The following MPP3 variants were observed in gnomAD, a reference collection of about 807,000 sequenced individuals.
The protein encoded by MPP3 is MAGUK p55 subfamily member 3.
Under a neutral mutation model 80.7 loss-of-function variants are expected in MPP3, and 48 were observed. The observed-to-expected ratio is 0.59, with a 90% CI of 0.47 to 0.76. The LOEUF (loss-of-function observed/expected upper bound fraction) is 0.76, where lower values mean the gene tolerates loss of function less well. Among genes scored for constraint, MPP3 ranks in the 30% least tolerant of loss-of-function variants. MPP3 has a pLI of 0.00. For missense variants in MPP3, 620 were observed against 763.0 expected (o/e 0.81, Z 2.21); for synonymous variants, 311 against 297.6 (o/e 1.04, Z -0.46).
intron 14 of MPP3, 111 bp from the exon 15 acceptor site, chr17:43,814,472 T>A: frequency 9.2e-7 from 1 of 1,089,278 alleles, no homozygotes; most frequent in Non-Finnish European, 1.3e-6. Flanking sequence ...TGAGTCCCAC[T>A]GACTTCTCCC....
chr17:43,814,350 T>A lies in MPP3; in HGVS notation c.1021A>T (p.Arg341Trp). 1 of 1,602,524 alleles carries A rather than the reference T, an allele frequency of 6.2e-7. No individual in the cohort carries two copies. The highest frequency in any genetic ancestry group is 1.1e-5 in the South Asian group (1 of 90,432). ...TCCCTACAGCCCAGCCGGAAGCTCC[T>A]CCGAAGACCAGCTTGGGAGGAGGGG... ...LKGHYVAGLRRSFRLGCRERL... is the reference protein window; with the variant it reads ...LKGHYVAGLRWSFRLGCRERL... The change falls in exon 15 of 20, where the codon AGG becomes TGG. Residue 341 changes from arginine to tryptophan, a missense_variant. Transcript: ENST00000398389.
At chr17:43,816,740 G>T in intron 12 of MPP3, 43 bp from the exon 13 acceptor site, 1 of 1,558,794 alleles carries the variant, frequency 6.4e-7, no homozygotes. Flanking sequence ...ATTAGTGGAG[G>T]GAAGCGGGGA....
Position 43,831,673 on chromosome 17 carries a change from C to T in MPP3, c.30G>A (p.Leu10=). MPVLSEDSG[L]HETLALLTSQ... ...AGGTCAGCAGGGCCAGGGTTTCATG[C>T]AAACCTGGGGAGAGGTGAGAAAAAC... is the stretch of plus-strand genomic sequence containing the variant. The change falls in exon 4 of 20, where the codon TTG becomes TTA. Residue 10 remains leucine (L), a synonymous_variant. Coordinates refer to ENST00000398389, the MANE Select transcript of MPP3 (RefSeq NM_001932.6). 2.5e-6 allele frequency: 4 copies of T among 1,608,814 alleles called. No homozygotes were observed. The highest frequency in any genetic ancestry group is 3.4e-6 in the Non-Finnish European group (4 of 1,176,410).
chr17:43,817,969 A>T, intron 12 of MPP3, 77 bp downstream of exon 12: 1 of 1,345,788 alleles, frequency 7.4e-7, no homozygotes, highest in Non-Finnish European at 1.0e-6. Context: ...CCCACTGCCT[A>T]CTTCTTCCCA....
At chr17:43,804,366 A>T (rs1323378723) in intron 19 of MPP3, among the ~76,000 whole-genome samples, 2 of 152,224 alleles carry the variant, frequency 1.3e-5, no homozygotes, top group Non-Finnish European at 2.9e-5. Context: ...ATGGAATGGG[A>T]CTGAGACTCC....
rs374591015 is a variant in MPP3, at chr17:43,809,090, A to G, written c.1459-12T>C. ...AGTTGTTTCAGTGCCTGAGAAAGAA[A>G]GTTCAGGAATATTATATACTTTTGA... is the stretch of plus-strand genomic sequence containing the variant. On this transcript the variant is annotated splice_polypyrimidine_tract_variant and intron_variant, in intron 18 of 19. Transcript: ENST00000398389. The G allele has an allele frequency of 6.6e-5, 104 of 1,578,368 alleles. No individual in the cohort carries two copies. Among genetic ancestry groups the G allele is most frequent in the Non-Finnish European group, 8.4e-5 (98 of 1,170,624 alleles).
chr17:43,824,771 G>A (rs1472903530), intron 9 of MPP3, among the ~76,000 whole-genome samples: 1 of 151,556 alleles, frequency 6.6e-6, no homozygotes, highest in African/African-American at 2.4e-5. Flanking sequence ...GCTTTATTTT[G>A]TTGTTGTTTT....
chr17:43,809,878 C>CA (rs897318825), intron 18 of MPP3, among the ~76,000 whole-genome samples: 45 of 147,944 alleles, frequency 3.0e-4, no homozygotes, highest in African/African-American at 1.1e-3. Flanking sequence ...GAATCTGTCT[C>CA]AAAAAAAAAG....
intron 14 of MPP3, among the ~76,000 whole-genome samples, chr17:43,815,194 T>G (rs932508085): frequency 6.6e-6 from 1 of 151,884 alleles, no homozygotes; most frequent in South Asian, 2.1e-4. Context: ...TAGCCAGGTA[T>G]AGTGGCATGC....
chr17:43,829,621 G>A (rs200968186), intron 7 of MPP3, 33 bp downstream of exon 7: 166 of 1,609,554 alleles, frequency 1.0e-4, no homozygotes, highest in Non-Finnish European at 1.4e-4. Flanking sequence ...CAGGGGAAGA[G>A]TGGGTTAGAG....
chr17:43,828,483 C>T (rs998864154), intron 7 of MPP3, among the ~76,000 whole-genome samples: 1 of 152,152 alleles, frequency 6.6e-6, no homozygotes, highest in African/African-American at 2.4e-5. Context: ...ACAGTTCTGC[C>T]GTTTACAAAA....
At chr17:43,820,603 A>ACACACAC (rs1264169757) in intron 11 of MPP3, among the ~76,000 whole-genome samples, 7 of 127,556 alleles carry the variant, frequency 5.5e-5, no homozygotes, top group Non-Finnish European at 9.5e-5. Context: ...AAAAAAAAAA[A>ACACACAC]ATACACACAC....
chr17:43,824,368 G>A (rs1488005241), intron 9 of MPP3, among the ~76,000 whole-genome samples: 1 of 152,084 alleles, frequency 6.6e-6, no homozygotes, highest in Non-Finnish European at 1.5e-5. Context: ...CGGCCCCAGA[G>A]GGCTCCCTTC....
chr17:43,830,077 G>C lies in MPP3; in HGVS notation c.253C>G (p.His85Asp). The stretch of plus-strand genomic sequence containing the variant: ...TGGAGCAGCTCCCTCTCATCACTGT[G>C]CACGGAGGCGGCCTGCAACTCCTCC... Reference protein sequence around the residue: ...VMEELQAASVHSDERELLQLL... With the variant: ...VMEELQAASVDSDERELLQLL... The change falls in exon 6 of 20, where the codon CAC becomes GAC. Residue 85 changes from histidine to aspartate, a missense_variant. His to Asp is a moderately conservative substitution (Grantham distance 81). Coordinates refer to ENST00000398389, the MANE Select transcript of MPP3 (RefSeq NM_001932.6). 1 of 1,561,506 alleles carries C rather than the reference G, an allele frequency of 6.4e-7. No individual in the cohort carries two copies. The highest frequency in any genetic ancestry group is 1.7e-4 in the Middle Eastern group (1 of 5,796).
At chr17:43,804,514 C>T (rs2044535458) in intron 19 of MPP3, among the ~76,000 whole-genome samples, 1 of 152,224 alleles carries the variant, frequency 6.6e-6, no homozygotes, top group African/African-American at 2.4e-5. Context: ...TGGACCCCTA[C>T]TTCAGACAAT....
Position 43,825,764 on chromosome 17 carries a change from G to A in MPP3, c.601C>T (p.Gln201Ter). The part of the protein sequence containing the change: ...VLHKRPDEIS[Q>*]ILAQSQGSIT... ...AGGCTTGTAGCACGGACCAGAATCT[G>A]GCTGATCTCGTCGGGCCGCTTGTGC... Residue 201 changes from glutamine (Q) to a stop codon, truncating the protein, a stop_gained, in exon 9 of 20, where the codon CAG (glutamine) becomes TAG (stop). Transcript: ENST00000398389. LOFTEE classifies it high-confidence loss of function. 1.2e-6 allele frequency: 2 copies of A among 1,609,796 alleles called. No homozygotes were observed. The highest frequency in any genetic ancestry group is 1.7e-6 in the Non-Finnish European group (2 of 1,176,028).
At chr17:43,817,808 G>A in intron 12 of MPP3, 1 of 480,552 alleles carries the variant, frequency 2.1e-6, no homozygotes, top group Non-Finnish European at 3.7e-6. Context: ...CACATTTTGG[G>A]AAAGCTGTTA....
chr17:43,829,571 G>A (rs1423960094), intron 7 of MPP3, 83 bp downstream of exon 7: 12 of 1,527,494 alleles, frequency 7.9e-6, no homozygotes, highest in South Asian at 4.8e-5. Flanking sequence ...TGAAGACTTC[G>A]GGGAGGATCT....
rs1214524320 is a variant in MPP3 at position 43,831,465 on chromosome 17, G to A, written c.144+94C>T. Reference sequence around the variant, plus strand: ...GTAGTGGGCAAGTGAAGGCCTTCCTGGGGCAGGGAGATGACTAGGATGACC... The same window carrying A: ...GTAGTGGGCAAGTGAAGGCCTTCCTAGGGCAGGGAGATGACTAGGATGACC... On this transcript the variant is annotated intron_variant, in intron 4 of 19. Transcript: ENST00000398389. The A allele has an allele frequency of 3.8e-6, 5 of 1,309,726 alleles. No homozygotes were observed. In the African/African-American group the frequency reaches 7.3e-5, roughly 19 times the overall value. The allele number at this position is 1,309,726 out of a possible 1,614,324, so 81.1% of individuals were successfully genotyped here. A position where few individuals can be genotyped will look rare whatever the true frequency, so the allele number is the denominator to read the frequency against.
Sources: allele counts gnomAD v4.1 joint callset (sites outside exome capture counted in the v4.1 genomes callset), GRCh38; gene constraint gnomAD v4.1.1; transcripts MANE v1.5; gene names NCBI Gene and HGNC (gene_info 2026-07-23, HGNC 2026-07-21).